Variants in LSM12 observed in about 807,000 individuals in gnomAD.
LSM12 encodes the protein protein LSM12.
For synonymous variants in LSM12, 74 were observed against 87.3 expected, an observed-to-expected ratio of 0.85 and a Z score of 0.85; for missense variants, 108 against 238.9, an observed-to-expected ratio of 0.45 and a Z score of 3.61.
chr17:44,060,939 T>C (rs914812315), intron 2 of LSM12, among the ~76,000 whole-genome samples: 5 of 152,176 alleles, frequency 3.3e-5, no homozygotes, highest in Non-Finnish European at 7.3e-5. Flanking sequence ...TTCAGATCTT[T>C]ACTACTCACT....
At chr17:44,055,833 A>G (rs1441374344) in intron 2 of LSM12, among the ~76,000 whole-genome samples, 2 of 150,886 alleles carry the variant, frequency 1.3e-5, no homozygotes, top group Non-Finnish European at 2.9e-5. Context: ...AATAATTATC[A>G]TATCAACTCC....
intron 2 of LSM12, among the ~76,000 whole-genome samples, chr17:44,049,215 C>CA (rs1181576496): frequency 1.3e-5 from 2 of 152,068 alleles, no homozygotes; most frequent in South Asian, 2.1e-4. Context: ...ACAACAAAAA[C>CA]AAAACGAACA....
At chr17:44,059,925 G>A (rs950380829) in intron 2 of LSM12, among the ~76,000 whole-genome samples, 4 of 152,206 alleles carry the variant, frequency 2.6e-5, no homozygotes, top group African/African-American at 9.6e-5. Flanking sequence ...AGCACTTTGG[G>A]AGGCCGAGGC....
intron 2 of LSM12, among the ~76,000 whole-genome samples, chr17:44,041,748 C>T (rs2049497732): frequency 6.6e-6 from 1 of 152,294 alleles, no homozygotes; most frequent in South Asian, 2.1e-4. Flanking sequence ...TGATCCCTAC[C>T]CCACACTACT....
rs190309061 is a variant in LSM12 at position 44,043,089 on chromosome 17, G to C, written c.259-2833C>G. Among the ~76,000 whole-genome samples the C allele has an allele frequency of 5.5e-3, 834 of 152,256 alleles. 8 individuals are homozygous for C. The highest frequency in any genetic ancestry group is 0.019 in the African/African-American group (792 of 41,550). ...AAGCACTTTCTCAAGGCTTAGGTTT[G>C]ACTATGAAAAAAAAGGAGGCCTTCA... On this transcript the variant is annotated intron_variant, in intron 2 of 4. Transcript: ENST00000293406.
At chr17:44,063,297 G>A (rs992389880) in intron 2 of LSM12, among the ~76,000 whole-genome samples, 1 of 152,086 alleles carries the variant, frequency 6.6e-6, no homozygotes, top group Non-Finnish European at 1.5e-5. Context: ...ATTAAAATAT[G>A]CTAAGCATGT....
chr17:44,063,998 G>C (rs2049834651), intron 1 of LSM12, 64 bp from the exon 2 acceptor site: 1 of 1,569,830 alleles, frequency 6.4e-7, no homozygotes, highest in Non-Finnish European at 8.7e-7. Context: ...CATCCCAAAA[G>C]GGGCATAGAA....
chr17:44,046,397 G>A (rs1361558605), intron 2 of LSM12, among the ~76,000 whole-genome samples: 1 of 151,978 alleles, frequency 6.6e-6, no homozygotes, highest in Non-Finnish European at 1.5e-5. Context: ...TTTCCTGCTA[G>A]TGAAGTTTCC....
At chr17:44,043,345 G>A (rs1411982700) in intron 2 of LSM12, among the ~76,000 whole-genome samples, 1 of 152,162 alleles carries the variant, frequency 6.6e-6, no homozygotes, top group Non-Finnish European at 1.5e-5. Context: ...TTTCAAGACT[G>A]GCTGCCATTC....
rs2049397229 is a variant in LSM12, at chr17:44,034,714, G to A, written c.*1494C>T. Reference sequence around the variant, plus strand: ...AAATTTCATTTTGAAGGCAGGGCTTGAATTATTTAATTTGATCCATTTATT... The same window carrying A: ...AAATTTCATTTTGAAGGCAGGGCTTAAATTATTTAATTTGATCCATTTATT... On this transcript the variant is annotated 3_prime_UTR_variant, in exon 5 of 5. Coordinates refer to ENST00000293406, the MANE Select transcript of LSM12 (RefSeq NM_001371445.1). The A allele has an allele frequency of 6.9e-6, 1 of 144,538 alleles. No homozygotes were observed. The highest frequency in any genetic ancestry group is 2.3e-4 in the South Asian group (1 of 4,372). The allele number at this position is 144,538 out of a possible 1,614,324, so 9.0% of individuals were successfully genotyped here.
chr17:44,040,425 C>G, intron 2 of LSM12, 169 bp from the exon 3 acceptor site: 2 of 556,620 alleles, frequency 3.6e-6, no homozygotes, highest in South Asian at 3.9e-5. Context: ...CATACCTGAA[C>G]AGTTACTGGT....
rs2049880939 is a variant in LSM12, at chr17:44,066,552, C to T, written c.36G>A (p.Gly12=). The T allele has an allele frequency of 6.0e-6, 9 of 1,511,260 alleles. No individual in the cohort carries two copies. Among genetic ancestry groups the T allele is most frequent in the Non-Finnish European group, 8.0e-6 (9 of 1,130,392 alleles). The allele number at this position is 1,511,260 out of a possible 1,614,324, so 93.6% of individuals were successfully genotyped here. A position where few individuals can be genotyped will look rare whatever the true frequency, so the allele number is the denominator to read the frequency against. ...GGCACGTCCGGCACGACACCTGGCTCCCAACGCTGAAGTACTCGCCCGGAG... is the reference window on the plus strand; with the variant it reads ...GGCACGTCCGGCACGACACCTGGCTTCCAACGCTGAAGTACTCGCCCGGAG... ...AAPPGEYFSV[G]SQVSCRTCQE... is the part of the protein sequence containing the mutation. Residue 12 remains glycine, a synonymous_variant, in exon 1 of 5, where the codon GGG becomes GGA. Transcript: ENST00000293406.
intron 3 of LSM12, 98 bp downstream of exon 3, chr17:44,040,049 T>C (rs997471917): frequency 1.2e-5 from 10 of 839,996 alleles, no homozygotes; most frequent in African/African-American, 1.0e-4. Flanking sequence ...GCTTCCCCAG[T>C]AGACTTTTAG....
chr17:44,059,071 C>A lies in LSM12; in HGVS notation c.258+4730G>T, dbSNP rs549569854. On this transcript the variant is annotated intron_variant, in intron 2 of 4. Coordinates refer to ENST00000293406, the MANE Select transcript of LSM12 (RefSeq NM_001371445.1). ...GTCCCAGCTACTCAGGAAGCTTGGGCGGATCACTTGAGGCTATGAGCCAGG... is the reference window on the plus strand; with the variant it reads ...GTCCCAGCTACTCAGGAAGCTTGGGAGGATCACTTGAGGCTATGAGCCAGG... Among the ~76,000 whole-genome samples, 6 of 152,112 alleles carry A rather than the reference C, an allele frequency of 3.9e-5. No homozygotes were observed. In the South Asian group the frequency reaches 1.0e-3, roughly 26 times the overall value.
intron 2 of LSM12, among the ~76,000 whole-genome samples, chr17:44,057,979 G>C (rs909164678): frequency 6.6e-6 from 1 of 151,762 alleles, no homozygotes; most frequent in African/African-American, 2.4e-5. Context: ...GCTCACGCCT[G>C]TAATCCCAGC....
intron 2 of LSM12, among the ~76,000 whole-genome samples, chr17:44,057,301 C>CACCACGCCCA (rs1261068409): frequency 6.0e-5 from 9 of 150,382 alleles, no homozygotes; most frequent in African/African-American, 2.2e-4. Context: ...AGGCACATGC[C>CACCACGCCCA]ACCACGCCCA....
At chr17:44,037,199 G>A in intron 4 of LSM12, 2 of 457,690 alleles carry the variant, frequency 4.4e-6, no homozygotes, top group Non-Finnish European at 3.8e-6. Flanking sequence ...AAAGGACATA[G>A]GGTCACCCAC....
At chr17:44,052,143 T>C (rs1431696158) in intron 2 of LSM12, among the ~76,000 whole-genome samples, 1 of 151,564 alleles carries the variant, frequency 6.6e-6, no homozygotes, top group Admixed American at 6.6e-5. Context: ...CCAGGCACGG[T>C]GGTGCACGCC....
At chr17:44,053,721 A>C (rs2049675384) in intron 2 of LSM12, among the ~76,000 whole-genome samples, 1 of 152,130 alleles carries the variant, frequency 6.6e-6, no homozygotes, top group Admixed American at 6.6e-5. Flanking sequence ...ATCTTACTCC[A>C]CAGTACTTTT....
Sources: gnomAD v4.1 joint callset for allele counts (sites outside exome capture counted in the v4.1 genomes callset) on GRCh38, gnomAD v4.1.1 for gene constraint, MANE v1.5 for transcripts, NCBI Gene and HGNC (gene_info 2026-07-23, HGNC 2026-07-21) for gene names.